Variants in WDPCP observed in about 807,000 individuals in gnomAD.
WDPCP encodes the protein WD repeat-containing and planar cell polarity effector protein fritz homolog.
A neutral mutation model predicts 93.1 loss-of-function variants in WDPCP; 71 were observed. The observed-to-expected ratio is 0.76, with a 90% confidence interval of 0.63 to 0.93. WDPCP has a LOEUF of 0.93. WDPCP is among the 40% of genes least tolerant of loss of function. WDPCP has a pLI of 0.00. For missense variants in WDPCP, 844 were observed against 887.4 expected (o/e 0.95, Z 0.62); for synonymous variants, 315 against 315.0 (o/e 1.00, Z 0.00).
chr2:63,628,594 C>G (rs1160006678), intron 3 of WDPCP, among the ~76,000 whole-genome samples: 1 of 152,122 alleles, frequency 6.6e-6, no homozygotes, highest in Non-Finnish European at 1.5e-5. Context: ...AGCTTCTGTT[C>G]TATGAGGAAA....
At chr2:63,460,772 G>T (rs1698953014) in intron 6 of WDPCP, among the ~76,000 whole-genome samples, 1 of 151,946 alleles carries the variant, frequency 6.6e-6, no homozygotes, top group Non-Finnish European at 1.5e-5. Context: ...GACTACAGGT[G>T]CCTGCCACCA....
intron 1 of WDPCP, among the ~76,000 whole-genome samples, chr2:63,556,557 A>ACCCAC: frequency 6.6e-6 from 1 of 152,164 alleles, no homozygotes; most frequent in Non-Finnish European, 1.5e-5. Context: ...TCTGAAGCCT[A>ACCCAC]TTTCTGTCAA....
At chr2:63,806,542 T>C (rs1234375098) in intron 2 of WDPCP, among the ~76,000 whole-genome samples, 1 of 152,164 alleles carries the variant, frequency 6.6e-6, no homozygotes, top group East Asian at 1.9e-4. Flanking sequence ...GGTTTTGAGA[T>C]CAACCGGTCT....
chr2:63,672,205 T>C (rs187055884), intron 2 of WDPCP, among the ~76,000 whole-genome samples: 2 of 152,342 alleles, frequency 1.3e-5, no homozygotes, highest in Non-Finnish European at 2.9e-5. Context: ...ACGGGGAGTC[T>C]TGTTTGTCCA....
intron 10 of WDPCP, among the ~76,000 whole-genome samples, chr2:63,401,697 C>A (rs1048589690): frequency 1.3e-5 from 2 of 152,102 alleles, no homozygotes; most frequent in African/African-American, 4.8e-5. Flanking sequence ...CCCAGCTACT[C>A]AGGGGGCTGA....
chr2:63,693,563 T>C (rs1195549728), intron 2 of WDPCP, among the ~76,000 whole-genome samples: 1 of 151,782 alleles, frequency 6.6e-6, no homozygotes, highest in Non-Finnish European at 1.5e-5. Flanking sequence ...AAGGAGGAAG[T>C]AGGAAAGGTA....
At chr2:63,532,652 C>G (rs572164922) in intron 1 of WDPCP, among the ~76,000 whole-genome samples, 1 of 152,296 alleles carries the variant, frequency 6.6e-6, no homozygotes, top group East Asian at 1.9e-4. Flanking sequence ...TACAGACAAG[C>G]AAATGCTGAG....
Position 63,484,674 on chromosome 2 carries a change from A to G in WDPCP, c.325-11T>C, listed in dbSNP as rs373531475. 1.9e-6 allele frequency: 3 copies of G among 1,612,814 alleles called. No homozygotes were observed. Among genetic ancestry groups the G allele is most frequent in the Non-Finnish European group, 2.5e-6 (3 of 1,179,208 alleles). On this transcript the variant is annotated splice_polypyrimidine_tract_variant and intron_variant, in intron 5 of 17. Transcript: ENST00000272321. The stretch of plus-strand genomic sequence containing the variant: ...GTTTTGCATCAGCTCCTGAAGCACA[A>G]CAGAAAAAGAGAGAGCGTAGTTGGC...
chr2:63,752,718 T>C (rs1669903363), intron 2 of WDPCP: 1 of 290,696 alleles, frequency 3.4e-6, no homozygotes, highest in Non-Finnish European at 6.4e-6. Flanking sequence ...CCTTATGTTA[T>C]ATTCTTAATC....
intron 2 of WDPCP, among the ~76,000 whole-genome samples, chr2:63,722,697 C>T (rs1484645348): frequency 1.6e-5 from 2 of 127,890 alleles, no homozygotes; most frequent in African/African-American, 5.9e-5. Flanking sequence ...CCGCCCCGTC[C>T]GGGAGGTGAG....
At chr2:63,136,252 G>A (rs1473282585) in intron 17 of WDPCP, among the ~76,000 whole-genome samples, 2 of 152,096 alleles carry the variant, frequency 1.3e-5, no homozygotes, top group African/African-American at 4.8e-5. Context: ...ATGAAGCCTA[G>A]AGCTAGGTAA....
chr2:63,381,909 C>G lies in WDPCP; in HGVS notation c.1621G>C (p.Glu541Gln), dbSNP rs775015955. Reference sequence around the variant, plus strand: ...TGAAAAATATTTCAAGTCTGACCTTCTCTCTCTGGAGTGAGCTTCTGTCTA... The same window carrying G: ...TGAAAAATATTTCAAGTCTGACCTTGTCTCTCTGGAGTGAGCTTCTGTCTA... ...LLRQKLTPEREAQLETSLGTF... is the reference protein window; with the variant it reads ...LLRQKLTPERQAQLETSLGTF... The change falls in exon 11 of 18, where the codon GAA becomes CAA. Residue 541 changes from glutamate to glutamine, a missense_variant. Transcript: ENST00000272321. 1.9e-6 allele frequency: 3 copies of G among 1,613,170 alleles called. No homozygotes were observed. The highest frequency in any genetic ancestry group is 2.5e-6 in the Non-Finnish European group (3 of 1,179,490).
intron 1 of WDPCP, among the ~76,000 whole-genome samples, chr2:63,499,393 CTTTGTA>C (rs1701411341): frequency 6.6e-6 from 1 of 152,114 alleles, no homozygotes; most frequent in Non-Finnish European, 1.5e-5. Context: ...GGAATTAGGA[CTTTGTA>C]TTTGCTAGGT....
At chr2:63,408,607 GA>G (rs1694784017) in intron 9 of WDPCP, among the ~76,000 whole-genome samples, 2 of 152,258 alleles carry the variant, frequency 1.3e-5, no homozygotes, top group African/African-American at 4.8e-5. Context: ...GCCAGGGGGA[GA>G]AGCAAGCCCT....
chr2:63,306,098 A>T (rs1187151489), intron 13 of WDPCP, among the ~76,000 whole-genome samples: 2 of 152,244 alleles, frequency 1.3e-5, no homozygotes, highest in Non-Finnish European at 2.9e-5. Context: ...ACCATCAGAG[A>T]ATACTATAAA....
intron 1 of WDPCP, among the ~76,000 whole-genome samples, chr2:63,570,608 T>C (rs576301970): frequency 5.9e-5 from 9 of 152,226 alleles, no homozygotes; most frequent in Non-Finnish European, 1.0e-4. Flanking sequence ...ATGATCATTA[T>C]CATGTTTACA....
intron 2 of WDPCP, among the ~76,000 whole-genome samples, chr2:63,655,880 T>C (rs971272354): frequency 2.0e-5 from 3 of 152,252 alleles, no homozygotes; most frequent in Non-Finnish European, 4.4e-5. Flanking sequence ...CATCATATCA[T>C]TTATTTCCCC....
chr2:63,658,602 A>G (rs1710193309), intron 2 of WDPCP, among the ~76,000 whole-genome samples: 2 of 152,358 alleles, frequency 1.3e-5, no homozygotes, highest in South Asian at 4.1e-4. Context: ...GAAAATCAAA[A>G]CATTATGAAA....
At chr2:63,186,815 T>G (rs911261704) in intron 14 of WDPCP, among the ~76,000 whole-genome samples, 10 of 151,390 alleles carry the variant, frequency 6.6e-5, no homozygotes, top group Admixed American at 2.0e-4. Context: ...GTGTGTGTTT[T>G]TTTTTTTTTT....
Sources: gnomAD v4.1 joint callset for allele counts (sites outside exome capture counted in the v4.1 genomes callset) on GRCh38, gnomAD v4.1.1 for gene constraint, MANE v1.5 for transcripts, NCBI Gene and HGNC (gene_info 2026-07-23, HGNC 2026-07-21) for gene names.